Variants in SETDB2 observed in about 807,000 individuals in gnomAD.
The protein encoded by SETDB2 is histone-lysine N-methyltransferase SETDB2.
A neutral mutation model predicts 82.5 loss-of-function variants in SETDB2; 56 were observed. That is an observed-to-expected ratio of 0.68 (90% CI 0.55 to 0.85). SETDB2 has a LOEUF of 0.85. Among genes scored for constraint, SETDB2 ranks in the 40% least tolerant of loss-of-function variants. The probability of loss-of-function intolerance (pLI) is 0.00; values close to 1 mark genes in which losing one functional copy is unlikely to be tolerated. For missense variants in SETDB2, 677 were observed against 816.4 expected (o/e 0.83, Z 2.08); for synonymous variants, 272 against 284.9 (o/e 0.95, Z 0.46).
intron 6 of SETDB2, 110 bp downstream of exon 6, chr13:49,477,149 A>G (rs941802511): frequency 4.7e-6 from 5 of 1,059,354 alleles, no homozygotes; most frequent in Admixed American, 3.1e-5. Context: ...CAAGAGTTAC[A>G]GTAAGACTGG....
At chr13:49,483,326 A>G (rs1462416197) in intron 9 of SETDB2, 138 bp from the exon 10 acceptor site, 2 of 421,900 alleles carry the variant, frequency 4.7e-6, no homozygotes, top group Non-Finnish European at 8.5e-6. Flanking sequence ...TAGGGAAAGG[A>G]ATAAACATAG....
Position 49,491,939 on chromosome 13 carries a change from C to T in SETDB2, c.*90C>T, listed in dbSNP as rs777026485. ...AGGTCTAGGTCCATCAAGGAAATTC[C>T]CCTCCGTTTTCCTTTGTCATGGGGT... is the stretch of plus-strand genomic sequence containing the variant. On this transcript the variant is annotated 3_prime_UTR_variant, in exon 14 of 14. Transcript: ENST00000611815. 1.1e-6 allele frequency: 1 copy of T among 887,532 alleles called. No homozygotes were observed. The highest frequency in any genetic ancestry group is 1.9e-6 in the Non-Finnish European group (1 of 526,630). The allele number at this position is 887,532 out of a possible 1,614,324, so 55.0% of individuals were successfully genotyped here. A position where few individuals can be genotyped will look rare whatever the true frequency, so the allele number is the denominator to read the frequency against.
Position 49,488,437 on chromosome 13 carries a change from A to G in SETDB2, c.1724A>G (p.Lys575Arg). The G allele has an allele frequency of 6.2e-7, 1 of 1,614,150 alleles. No homozygotes were observed. The change falls in exon 12 of 14, where the codon AAG becomes AGG. Residue 575 changes from lysine (K) to arginine (R), a missense_variant. Physicochemically the swap from Lys to Arg is conservative, Grantham distance 26. This residue lies in a region of SETDB2 where 420 missense variants were observed against 554.6 expected (regional missense o/e 0.76). Transcript: ENST00000611815. ...ATTLDNQNIK[K>R]AIEVQIQKPQ... ...ACATTGGATAATCAGAATATTAAAA[A>G]GGCAATTGAGGTTCAAATTCAGAAA...
At chr13:49,486,888 C>A (rs960356052) in intron 11 of SETDB2, among the ~76,000 whole-genome samples, 5 of 152,158 alleles carry the variant, frequency 3.3e-5, no homozygotes, top group Non-Finnish European at 7.3e-5. Context: ...CCCCCTGCAA[C>A]CGCAGCTCTC....
At chr13:49,452,219 C>T (rs1003983861) in intron 2 of SETDB2, among the ~76,000 whole-genome samples, 2 of 151,782 alleles carry the variant, frequency 1.3e-5, no homozygotes, top group African/African-American at 4.8e-5. Context: ...TCAAGCGATT[C>T]TCCTGCCACA....
intron 10 of SETDB2, 21 bp from the exon 11 acceptor site, chr13:49,485,609 C>T: frequency 6.3e-7 from 1 of 1,596,170 alleles, no homozygotes. Flanking sequence ...AAAGTAAAGA[C>T]ATCTTCCTTG....
chr13:49,488,776 T>C, intron 12 of SETDB2, 146 bp downstream of exon 12: 3 of 631,614 alleles, frequency 4.7e-6, no homozygotes, highest in Non-Finnish European at 8.0e-6. Flanking sequence ...TTGGATGTTT[T>C]ACTTGACCTC....
At chr13:49,472,169 A>G (rs1363361452) in intron 5 of SETDB2, among the ~76,000 whole-genome samples, 1 of 152,078 alleles carries the variant, frequency 6.6e-6, no homozygotes, top group South Asian at 2.1e-4. Flanking sequence ...TGAAATTAAT[A>G]TACCTGCCTT....
chr13:49,466,050 C>CT (rs752402528), intron 4 of SETDB2, among the ~76,000 whole-genome samples: 2 of 152,156 alleles, frequency 1.3e-5, no homozygotes, highest in South Asian at 2.1e-4. Flanking sequence ...TGATTACACT[C>CT]TAAGTGGGTT....
rs891783009 is a variant in SETDB2, at chr13:49,493,421, T to G, written c.*1572T>G. 1.3e-5 allele frequency: 2 copies of G among 152,238 alleles called. No individual in the cohort carries two copies. Among genetic ancestry groups the G allele is most frequent in the Non-Finnish European group, 2.9e-5 (2 of 68,054 alleles). The allele number at this position is 152,238 out of a possible 1,614,324, so 9.4% of individuals were successfully genotyped here. A position where few individuals can be genotyped will look rare whatever the true frequency, so the allele number is the denominator to read the frequency against. Reference sequence around the variant, plus strand: ...ATGAGGTATTCTGTCAGTTTTATCTTCTTGGAGAAATTTCTCCTAAAATCT... The same window carrying G: ...ATGAGGTATTCTGTCAGTTTTATCTGCTTGGAGAAATTTCTCCTAAAATCT... On this transcript the variant is annotated 3_prime_UTR_variant, in exon 14 of 14. Transcript: ENST00000611815.
In SETDB2 at chr13:49,478,160, T is replaced by TA. The variant is rs146291869; in HGVS notation, c.869+1122dup. 2.9e-3 allele frequency among the ~76,000 whole-genome samples: 447 copies of TA among 152,376 alleles called. 2 individuals carry two copies. Among genetic ancestry groups the TA allele is most frequent in the Non-Finnish European group, 4.3e-3 (295 of 68,026 alleles). ...GTAAAATGAGAGCTATATCTACTGT[T>TA]ACCTCAGTTTGGCTCAGTTCCTTGA... On this transcript the variant is annotated intron_variant, in intron 6 of 13. Transcript: ENST00000611815.
rs12584895 is a variant in SETDB2 at position 49,485,096 on chromosome 13, T to C, written c.1483-534T>C. ...GCTGAGAACTTTCATAGTAATAATATGGTCAATGTGTATTGAATACTTAGT... is the reference window on the plus strand; with the variant it reads ...GCTGAGAACTTTCATAGTAATAATACGGTCAATGTGTATTGAATACTTAGT... On this transcript the variant is annotated intron_variant, in intron 10 of 13. Coordinates refer to ENST00000611815, the MANE Select transcript of SETDB2 (RefSeq NM_001160308.3). Among the ~76,000 whole-genome samples the C allele has an allele frequency of 3.3e-5, 5 of 152,366 alleles. No individual in the cohort carries two copies. In the East Asian group the frequency reaches 7.7e-4, roughly 23 times the overall value.
At chr13:49,463,136 G>C (rs1958029937) in intron 4 of SETDB2, among the ~76,000 whole-genome samples, 1 of 151,660 alleles carries the variant, frequency 6.6e-6, no homozygotes, top group African/African-American at 2.4e-5. Flanking sequence ...CTCCCGAGTA[G>C]CTGGGACTAC....
intron 5 of SETDB2, among the ~76,000 whole-genome samples, chr13:49,471,230 G>A (rs911687389): frequency 2.8e-4 from 42 of 151,672 alleles, no homozygotes; most frequent in African/African-American, 9.9e-4. Context: ...TCCCTCCTCA[G>A]CTTCCCAAAG....
chr13:49,469,001 CCAAA>C (rs1448477965), intron 5 of SETDB2, among the ~76,000 whole-genome samples: 8 of 152,036 alleles, frequency 5.3e-5, no homozygotes, highest in African/African-American at 1.9e-4. Flanking sequence ...AAGCTCTCTA[CCAAA>C]CAGTTATCTA....
At chr13:49,448,854 G>A (rs1957738501) in intron 1 of SETDB2, among the ~76,000 whole-genome samples, 2 of 152,082 alleles carry the variant, frequency 1.3e-5, no homozygotes, top group Admixed American at 1.3e-4. Context: ...TCACCAAATT[G>A]TGGATCTGTG....
chr13:49,451,359 T>A (rs1543514), intron 1 of SETDB2, among the ~76,000 whole-genome samples, 194 bp from the exon 2 acceptor site: 116,477 of 150,230 alleles, frequency 0.78, 45,689 homozygotes, highest in African/African-American at 0.89. Context: ...GCCTTCTCTA[T>A]TATTTCTAAT....
At chr13:49,448,916 A>G (rs1453392159) in intron 1 of SETDB2, among the ~76,000 whole-genome samples, 1 of 152,204 alleles carries the variant, frequency 6.6e-6, no homozygotes, top group Non-Finnish European at 1.5e-5. Flanking sequence ...TTATTTGTAC[A>G]TAAAGGGTCA....
rs1422308606 is a variant in SETDB2 at position 49,493,583 on chromosome 13, A to G, written c.*1734A>G. ...TTTTCCTTGGTTTACTCTTCCACATATTGGTAAAGCTCTTCCAATAGCTTT... is the reference window on the plus strand; with the variant it reads ...TTTTCCTTGGTTTACTCTTCCACATGTTGGTAAAGCTCTTCCAATAGCTTT... On this transcript the variant is annotated 3_prime_UTR_variant, in exon 14 of 14. Coordinates refer to ENST00000611815, the MANE Select transcript of SETDB2 (RefSeq NM_001160308.3). 2.0e-5 allele frequency: 3 copies of G among 152,154 alleles called. No individual in the cohort carries two copies. Among genetic ancestry groups the G allele is most frequent in the Non-Finnish European group, 4.4e-5 (3 of 68,030 alleles). The allele number at this position is 152,154 out of a possible 1,614,324, so 9.4% of individuals were successfully genotyped here. A position where few individuals can be genotyped will look rare whatever the true frequency, so the allele number is the denominator to read the frequency against.
Sources: allele counts gnomAD v4.1 joint callset (sites outside exome capture counted in the v4.1 genomes callset), GRCh38; gene constraint gnomAD v4.1.1; regional missense constraint gnomAD v4.1.1; transcripts MANE v1.5; gene names NCBI Gene and HGNC (gene_info 2026-07-23, HGNC 2026-07-21).